Variants in THSD4 observed in about 807,000 individuals in gnomAD.
THSD4 encodes thrombospondin type 1 domain containing 4.
In THSD4, 69 loss-of-function variants were observed where a neutral mutation model predicts 119.0. The observed-to-expected ratio is 0.58, with a 90% CI of 0.48 to 0.71. The LOEUF (loss-of-function observed/expected upper bound fraction) is 0.71. Ranked by LOEUF, THSD4 falls within the 30% of genes least tolerant of loss-of-function variation. The pLI is 0.00. For missense variants in THSD4, 1,393 were observed against 1,391.1 expected (o/e 1.00, Z -0.02); for synonymous variants, 524 against 540.4 (o/e 0.97, Z 0.42).
At chr15:71,677,388 G>T (rs2051674055) in intron 8 of THSD4, among the ~76,000 whole-genome samples, 1 of 152,160 alleles carries the variant, frequency 6.6e-6, no homozygotes, top group African/African-American at 2.4e-5. Context: ...CTCTTGTCCA[G>T]AACCAAATAT....
chr15:71,136,222 T>C (rs1371725435), intron 1 of THSD4, among the ~76,000 whole-genome samples: 1 of 152,026 alleles, frequency 6.6e-6, no homozygotes, highest in African/African-American at 2.4e-5. Context: ...TTTCTCATCA[T>C]GCAAGAAAAA....
intron 7 of THSD4, among the ~76,000 whole-genome samples, chr15:71,624,781 G>A (rs1004563914): frequency 1.1e-4 from 16 of 152,160 alleles, no homozygotes; most frequent in African/African-American, 3.9e-4. Context: ...AAAAGACCCT[G>A]TCAGCCTTGC....
At chr15:71,603,533 C>T (rs2050052645) in intron 7 of THSD4, among the ~76,000 whole-genome samples, 1 of 152,172 alleles carries the variant, frequency 6.6e-6, no homozygotes, top group East Asian at 1.9e-4. Flanking sequence ...GAAGGTTACT[C>T]CCAAGACACT....
intron 8 of THSD4, among the ~76,000 whole-genome samples, chr15:71,682,868 C>T (rs2051816050): frequency 1.1e-4 from 2 of 18,492 alleles, no homozygotes; most frequent in African/African-American, 1.5e-4. Flanking sequence ...TTCTTTCTTT[C>T]TTTCTTTCTT....
chr15:71,589,562 C>T lies in THSD4; in HGVS notation c.1153-70968C>T, dbSNP rs1166288137. ...TTGGTAGAGATGGGGCCCCATGTGT[C>T]ACCCTGTTGGGTCATGATCTCCTGG... On this transcript the variant is annotated intron_variant, in intron 7 of 17. Transcript: ENST00000261862. 3.6e-5 allele frequency among the ~76,000 whole-genome samples: 5 copies of T among 138,286 alleles called. 1 individual carries two copies. Among genetic ancestry groups the T allele is most frequent in the Non-Finnish European group, 6.6e-5 (4 of 60,894 alleles). The allele number at this position is 138,286 out of a possible 152,430, so 90.7% of individuals were successfully genotyped here. A position where few individuals can be genotyped will look rare whatever the true frequency, so the allele number is the denominator to read the frequency against.
chr15:71,106,007 A>G (rs1245332312), intron 1 of THSD4, among the ~76,000 whole-genome samples: 1 of 152,184 alleles, frequency 6.6e-6, no homozygotes, highest in East Asian at 1.9e-4. Context: ...ACAGGAAGTG[A>G]TATGTTCTAT....
At chr15:71,376,870 C>G (rs185816854) in intron 6 of THSD4, among the ~76,000 whole-genome samples, 1 of 152,202 alleles carries the variant, frequency 6.6e-6, no homozygotes, top group South Asian at 2.1e-4. Context: ...GGGTCTCAAT[C>G]CCCCAGCTCT....
chr15:71,295,307 T>C (rs778251789), intron 6 of THSD4, among the ~76,000 whole-genome samples: 1 of 152,190 alleles, frequency 6.6e-6, no homozygotes. Flanking sequence ...AGGCCAAGTT[T>C]GAACCCAGGC....
At chr15:71,185,930 A>T (rs973300418) in intron 3 of THSD4, 1 of 152,178 alleles carries the variant, frequency 6.6e-6, no homozygotes, top group Non-Finnish European at 1.5e-5. Context: ...GTTTGTGATC[A>T]CAGAGGAGAG....
chr15:71,655,430 A>G (rs1164014514), intron 7 of THSD4, among the ~76,000 whole-genome samples: 1 of 152,258 alleles, frequency 6.6e-6, no homozygotes, highest in East Asian at 1.9e-4. Context: ...AAAGTGTTAC[A>G]GAAGTACGGG....
chr15:71,696,201 C>T (rs989542366), intron 8 of THSD4, among the ~76,000 whole-genome samples: 4 of 152,160 alleles, frequency 2.6e-5, no homozygotes, highest in Middle Eastern at 3.4e-3. Flanking sequence ...TTCTGCAGGC[C>T]GAGAAGTTCA....
chr15:71,674,606 A>G (rs1595852703), intron 8 of THSD4, among the ~76,000 whole-genome samples: 1 of 152,236 alleles, frequency 6.6e-6, no homozygotes, highest in Non-Finnish European at 1.5e-5. Flanking sequence ...CCTGGACTTC[A>G]GGATTTTTTT....
intron 7 of THSD4, among the ~76,000 whole-genome samples, chr15:71,441,397 ATT>A (rs1215547880): frequency 0.027 from 1,947 of 73,300 alleles, 46 homozygotes; most frequent in African/African-American, 0.063. Context: ...CACCTGTAGA[ATT>A]TTTTTTTTTT....
At chr15:71,547,144 A>T in intron 7 of THSD4, 1 of 1,205,014 alleles carries the variant, frequency 8.3e-7, no homozygotes, top group Non-Finnish European at 1.1e-6. Flanking sequence ...GCTTTCTGTT[A>T]AAGGCAGCCC....
intron 7 of THSD4, among the ~76,000 whole-genome samples, chr15:71,615,805 G>A (rs1405587488): frequency 6.6e-6 from 1 of 152,200 alleles, no homozygotes; most frequent in Non-Finnish European, 1.5e-5. Context: ...CATTTAAGAT[G>A]AAGTTGGGCT....
At chr15:71,261,292 A>G (rs2044396363) in intron 6 of THSD4, among the ~76,000 whole-genome samples, 1 of 152,138 alleles carries the variant, frequency 6.6e-6, no homozygotes, top group Admixed American at 6.5e-5. Context: ...CTATGAGCCT[A>G]GGAACGCCAA....
At chr15:71,578,624 A>G (rs1595899615) in intron 7 of THSD4, among the ~76,000 whole-genome samples, 1 of 151,900 alleles carries the variant, frequency 6.6e-6, no homozygotes, top group South Asian at 2.1e-4. Context: ...GGCGTAAGCC[A>G]CCACGCCCAG....
At chr15:71,133,672 C>G (rs893689159) in intron 1 of THSD4, among the ~76,000 whole-genome samples, 9 of 152,194 alleles carry the variant, frequency 5.9e-5, no homozygotes, top group African/African-American at 1.9e-4. Context: ...TTTTTCCCCA[C>G]TTTGATCTGC....
At chr15:71,471,909 C>A (rs1351252544) in intron 7 of THSD4, among the ~76,000 whole-genome samples, 1 of 151,984 alleles carries the variant, frequency 6.6e-6, no homozygotes, top group Non-Finnish European at 1.5e-5. Flanking sequence ...AGCTTAAGTA[C>A]ATTGGTGTTT....
Sources: allele counts gnomAD v4.1 joint callset (sites outside exome capture counted in the v4.1 genomes callset), GRCh38; gene constraint gnomAD v4.1.1; transcripts MANE v1.5; gene names NCBI Gene and HGNC (gene_info 2026-07-23, HGNC 2026-07-21).